ABLIM2: variants seen among roughly 807,000 people sequenced by gnomAD.
ABLIM2 encodes the protein actin binding LIM protein family member 2.
A neutral mutation model predicts 97.7 loss-of-function variants in ABLIM2; 53 were observed. The ratio of observed to expected loss-of-function variants is 0.54; its 90% CI spans 0.44 to 0.68. The LOEUF (loss-of-function observed/expected upper bound fraction) is 0.68. ABLIM2 is among the 30% of genes least tolerant of loss of function. ABLIM2 has a pLI of 0.00. For missense variants in ABLIM2, 835 were observed against 867.2 expected, an observed-to-expected ratio of 0.96 and a Z score of 0.47; for synonymous variants, 361 against 345.8, an observed-to-expected ratio of 1.04 and a Z score of -0.49.
At chr4:8,078,913 C>A (rs963972914) in intron 5 of ABLIM2, among the ~76,000 whole-genome samples, 5 of 152,262 alleles carry the variant, frequency 3.3e-5, no homozygotes, top group Middle Eastern at 3.2e-3. Flanking sequence ...CCCCTTCCAG[C>A]ATCGCTGAAG....
At chr4:8,057,643 G>A (rs1800177988) in intron 7 of ABLIM2, among the ~76,000 whole-genome samples, 1 of 152,164 alleles carries the variant, frequency 6.6e-6, no homozygotes, top group Non-Finnish European at 1.5e-5. Flanking sequence ...GGAAAAAGGA[G>A]TATCTCATTA....
chr4:7,992,745 A>T lies in ABLIM2; in HGVS notation c.1680+121T>A. ...CCTGGGAAGGGCATCAGGCAGAGGCAGGTGGGCCGCGGGGTCCCCGGGGCC... is the reference window on the plus strand; with the variant it reads ...CCTGGGAAGGGCATCAGGCAGAGGCTGGTGGGCCGCGGGGTCCCCGGGGCC... On this transcript the variant is annotated intron_variant, in intron 17 of 20. Coordinates refer to ENST00000447017, the MANE Select transcript of ABLIM2 (RefSeq NM_001130083.2). The surrounding 1 kb of genome is among the most constrained non-coding windows in gnomAD (Gnocchi z 5.7). 1 of 1,062,328 alleles carries T rather than the reference A, an allele frequency of 9.4e-7. No homozygotes were observed. The highest frequency in any genetic ancestry group is 1.4e-6 in the Non-Finnish European group (1 of 710,550). The allele number at this position is 1,062,328 out of a possible 1,614,324, so 65.8% of individuals were successfully genotyped here. A position where few individuals can be genotyped will look rare whatever the true frequency, so the allele number is the denominator to read the frequency against.
At chr4:8,016,670 G>A (rs147770824) in intron 14 of ABLIM2, among the ~76,000 whole-genome samples, 5 of 152,258 alleles carry the variant, frequency 3.3e-5, no homozygotes, top group African/African-American at 4.8e-5. Flanking sequence ...TCCTGCCTGC[G>A]TGCTGGAGAT....
At position 8,093,861 on chromosome 4, in the gene ABLIM2, T is replaced by C. The variant is rs142323126; in HGVS notation, c.338+3238A>G. Among the ~76,000 whole-genome samples the C allele has an allele frequency of 4.9e-3, 742 of 152,352 alleles. 8 individuals carry two copies. The highest frequency in any genetic ancestry group is 0.037 in the Middle Eastern group (11 of 294). On this transcript the variant is annotated intron_variant, in intron 3 of 20. Coordinates refer to ENST00000447017, the MANE Select transcript of ABLIM2 (RefSeq NM_001130083.2). ...ATGTGTTTATTCTGCTTGAAGTTCA[T>C]TGAAATACTTGGATTCATTTGTTTA...
Position 8,124,666 on chromosome 4 carries a change from CT to C in ABLIM2, c.11-18030del, listed in dbSNP as rs1364837268. Among the ~76,000 whole-genome samples, 2 of 152,178 alleles carry C rather than the reference CT, an allele frequency of 1.3e-5. No individual in the cohort carries two copies. Among genetic ancestry groups the C allele is most frequent in the African/African-American group, 4.8e-5 (2 of 41,432 alleles). ...GCTCATCCATTAGTCAGTGGATGAA[CT>C]TTGGGGCTGTGTCTACTTTTTGGTG... is the stretch of plus-strand genomic sequence containing the variant. On this transcript the variant is annotated intron_variant, in intron 1 of 20. Transcript: ENST00000447017. The surrounding 1 kb of genome is among the most constrained non-coding windows in gnomAD (Gnocchi z 6.1).
chr4:8,047,604 G>T (rs1793403391), intron 8 of ABLIM2, among the ~76,000 whole-genome samples: 1 of 152,206 alleles, frequency 6.6e-6, no homozygotes, highest in South Asian at 2.1e-4. Context: ...CTAGTTCTGA[G>T]GTATGTGACA....
intron 2 of ABLIM2, among the ~76,000 whole-genome samples, chr4:8,105,525 A>C (rs1439306956): frequency 6.6e-6 from 1 of 152,204 alleles, no homozygotes; most frequent in Admixed American, 6.5e-5. Context: ...CATCATGCTC[A>C]ATTATCGGCT....
chr4:8,036,360 C>G, intron 9 of ABLIM2, 65 bp from the exon 10 acceptor site: 1 of 1,571,538 alleles, frequency 6.4e-7, no homozygotes, highest in Non-Finnish European at 8.7e-7. Flanking sequence ...GCAGCACCCC[C>G]AAAGCCGGAT....
chr4:8,127,721 C>T lies in ABLIM2; in HGVS notation c.11-21084G>A. 1 of 1,225,830 alleles carries T rather than the reference C, an allele frequency of 8.2e-7. No homozygotes were observed. The highest frequency in any genetic ancestry group is 1.0e-6 in the Non-Finnish European group (1 of 953,164). 75.9% of individuals were successfully genotyped at this position (1,225,830 alleles called of 1,614,324 possible). A position where few individuals can be genotyped will look rare whatever the true frequency, so the allele number is the denominator to read the frequency against. ...CCACAAGGTCACGTGGCAGCTGCCA[C>T]CCTCTGCCCGGGGAGGGGCAGAGCC... On this transcript the variant is annotated intron_variant, in intron 1 of 20. Transcript: ENST00000447017. The surrounding 1 kb of genome is among the most constrained non-coding windows in gnomAD (Gnocchi z 7.3).
At chr4:8,020,504 G>C (rs1395673840) in intron 12 of ABLIM2, 5 of 662,826 alleles carry the variant, frequency 7.5e-6, no homozygotes, top group Non-Finnish European at 1.4e-5. Context: ...ATCCAACCCT[G>C]AGTTGAAGTC....
At chr4:7,967,734 T>C (rs11722433) in intron 20 of ABLIM2, among the ~76,000 whole-genome samples, 45,507 of 152,204 alleles carry the variant, frequency 0.3, 8,451 homozygotes, top group Middle Eastern at 0.45. Context: ...TGGATACCAG[T>C]GCTTCTGGGA....
At position 7,998,466 on chromosome 4, in the gene ABLIM2, T is replaced by C. The variant is rs551102772; in HGVS notation, c.1619-5539A>G. Among the ~76,000 whole-genome samples the C allele has an allele frequency of 1.9e-3, 288 of 149,612 alleles. 1 individual carries two copies. Among genetic ancestry groups the C allele is most frequent in the Non-Finnish European group, 2.1e-3 (139 of 67,594 alleles). On this transcript the variant is annotated intron_variant, in intron 16 of 20. Transcript: ENST00000447017. This position sits in a 1 kb window ranked among gnomAD's most constrained non-coding sequence, Gnocchi z 6.4. The stretch of plus-strand genomic sequence containing the variant: ...ACCTGGAGCTGCCGGTCTGCCCACC[T>C]GGGTCCCTGCCGGTGCTGCCTGTGG...
At position 8,124,815 on chromosome 4, in the gene ABLIM2, C is replaced by T. The variant is rs1847121439; in HGVS notation, c.11-18178G>A. 1.3e-5 allele frequency among the ~76,000 whole-genome samples: 2 copies of T among 152,108 alleles called. No individual in the cohort carries two copies. The highest frequency in any genetic ancestry group is 4.8e-5 in the African/African-American group (2 of 41,420). ...GGTCCTGTGGTCACTCTGTGTGCCA[C>T]CTTTCAAGGAACAGTCAGACTATTT... On this transcript the variant is annotated intron_variant, in intron 1 of 20. Coordinates refer to ENST00000447017, the MANE Select transcript of ABLIM2 (RefSeq NM_001130083.2). This position sits in a 1 kb window ranked among gnomAD's most constrained non-coding sequence, Gnocchi z 6.1.
rs182276134 is a variant in ABLIM2, at chr4:8,095,301, G to C, written c.338+1798C>G. Reference sequence around the variant, plus strand: ...AAATTTTTTGTAGAGACAGGGTCTTGCTATGTCACGCAGGCTGATCTTGAA... The same window carrying C: ...AAATTTTTTGTAGAGACAGGGTCTTCCTATGTCACGCAGGCTGATCTTGAA... On this transcript the variant is annotated intron_variant, in intron 3 of 20. Transcript: ENST00000447017. This position sits in a 1 kb window ranked among gnomAD's most constrained non-coding sequence, Gnocchi z 4.7. Among the ~76,000 whole-genome samples, 1 of 152,180 alleles carries C rather than the reference G, an allele frequency of 6.6e-6. No homozygotes were observed. Among genetic ancestry groups the C allele is most frequent in the East Asian group, 1.9e-4 (1 of 5,174 alleles).
At chr4:7,983,416 G>A (rs1308357162) in intron 19 of ABLIM2, 72 bp from the exon 20 acceptor site, 12 of 1,579,326 alleles carry the variant, frequency 7.6e-6, no homozygotes, top group Non-Finnish European at 1.0e-5. Flanking sequence ...CTGAGCAGAA[G>A]GTCACCGAGA....
In ABLIM2 at chr4:8,061,481, TG is replaced by T. The variant is rs1245423925; in HGVS notation, c.676-428del. Among the ~76,000 whole-genome samples the T allele has an allele frequency of 6.6e-6, 1 of 151,642 alleles. No individual in the cohort carries two copies. Among genetic ancestry groups the T allele is most frequent in the East Asian group, 1.9e-4 (1 of 5,182 alleles). ...TCCCTAGGTGCAAGAATTAGGGGAG[TG>T]GGGTGAAAAAGGATGAATACTTTCC... On this transcript the variant is annotated intron_variant, in intron 6 of 20. Transcript: ENST00000447017. This position sits in a 1 kb window ranked among gnomAD's most constrained non-coding sequence, Gnocchi z 4.5.
At chr4:8,134,956 G>A (rs1389185172) in intron 1 of ABLIM2, among the ~76,000 whole-genome samples, 1 of 152,170 alleles carries the variant, frequency 6.6e-6, no homozygotes, top group African/African-American at 2.4e-5. Context: ...AAAGTACTTG[G>A]GAGCCAGTGC....
At chr4:8,114,052 C>G (rs1030061071) in intron 1 of ABLIM2, among the ~76,000 whole-genome samples, 1 of 152,236 alleles carries the variant, frequency 6.6e-6, no homozygotes, top group African/African-American at 2.4e-5. Context: ...TCACAGTGCT[C>G]AGCTCACCTT....
rs202211361 is a variant in ABLIM2 at position 8,077,658 on chromosome 4, A to G, written c.645T>C (p.Cys215=). 1.7e-4 allele frequency: 270 copies of G among 1,612,736 alleles called. 1 individual carries two copies. Among genetic ancestry groups the G allele is most frequent in the Middle Eastern group, 1.7e-4 (1 of 6,060 alleles). Residue 215 remains cysteine (C), a synonymous_variant, in exon 6 of 21, where the codon TGT becomes TGC. Transcript: ENST00000447017. ...GCACGCGCCCCGTGATGTATTTCTCACAGCTGTCACAGCGGATGCCGAACT... is the reference window on the plus strand; with the variant it reads ...GCACGCGCCCCGTGATGTATTTCTCGCAGCTGTCACAGCGGATGCCGAACT... ...HAKFGIRCDS[C]EKYITGRVLE... is the part of the protein sequence containing the mutation.
Sources: gnomAD v4.1 joint callset for allele counts (sites outside exome capture counted in the v4.1 genomes callset) on GRCh38, gnomAD v4.1.1 for gene constraint, Gnocchi (gnomAD v3.1) non-coding constraint, MANE v1.5 for transcripts, NCBI Gene and HGNC (gene_info 2026-07-23, HGNC 2026-07-21) for gene names.